The following NUCKS1 variants were observed in gnomAD, a reference collection of about 807,000 sequenced individuals.
NUCKS1 encodes the protein nuclear ubiquitous casein and cyclin-dependent kinase substrate 1.
A neutral mutation model predicts 33.0 loss-of-function variants in NUCKS1; 2 were observed. The ratio of observed to expected loss-of-function variants is 0.06; its 90% CI spans 0.02 to 0.19. The LOEUF (loss-of-function observed/expected upper bound fraction) is 0.19. NUCKS1 is among the 10% of genes least tolerant of loss of function. The pLI is 1.00. For missense variants in NUCKS1, 201 were observed against 293.6 expected, an observed-to-expected ratio of 0.68 and a Z score of 2.31; for synonymous variants, 106 against 102.8, an observed-to-expected ratio of 1.03 and a Z score of -0.19.
At position 205,718,220 on chromosome 1, in the gene NUCKS1, CTTTTTTCTTT is replaced by C. The variant is rs71709139; in HGVS notation, c.*50_*59del. 0.32 allele frequency: 476,788 copies of C among 1,475,408 alleles called. 35,661 individuals are homozygous for C. Among genetic ancestry groups the C allele is most frequent in the Non-Finnish European group, 0.36 (393,927 of 1,104,674 alleles). 91.4% of individuals were successfully genotyped at this position (1,475,408 alleles called of 1,614,324 possible). A position where few individuals can be genotyped will look rare whatever the true frequency, so the allele number is the denominator to read the frequency against. On this transcript the variant is annotated 3_prime_UTR_variant, in exon 7 of 7. Transcript: ENST00000367142. ...AAGTAGGTTCTTTTTTTTCCTCCCT[CTTTTTTCTTT>C]TTTTTTCTTTTTTTTTTTAATAAAA...
At chr1:205,740,504 A>T (rs1055718919) in intron 1 of NUCKS1, among the ~76,000 whole-genome samples, 1 of 151,926 alleles carries the variant, frequency 6.6e-6, no homozygotes, top group South Asian at 2.1e-4. Context: ...AGTCTCAGAT[A>T]CTTGGGAGAC....
chr1:205,718,848 C>T (rs767139393), intron 6 of NUCKS1, among the ~76,000 whole-genome samples: 1 of 152,018 alleles, frequency 6.6e-6, no homozygotes, highest in Admixed American at 6.5e-5. Context: ...GTCAAAAAGA[C>T]GGAAGGAAAA....
At chr1:205,747,745 C>CT (rs997996688) in intron 1 of NUCKS1, among the ~76,000 whole-genome samples, 3 of 152,166 alleles carry the variant, frequency 2.0e-5, no homozygotes, top group Non-Finnish European at 4.4e-5. Context: ...ATGTCTATCA[C>CT]TTTTTTCGTT....
intron 1 of NUCKS1, among the ~76,000 whole-genome samples, chr1:205,747,744 A>C (rs1654366441): frequency 1.3e-5 from 2 of 152,186 alleles, no homozygotes; most frequent in South Asian, 4.1e-4. Context: ...AATGTCTATC[A>C]CTTTTTTCGT....
At chr1:205,738,326 C>A (rs904335417) in intron 1 of NUCKS1, among the ~76,000 whole-genome samples, 1 of 151,778 alleles carries the variant, frequency 6.6e-6, no homozygotes, top group African/African-American at 2.4e-5. Flanking sequence ...CCATGCCCAG[C>A]CTATTTATTT....
At chr1:205,725,113 C>T (rs1352449262) in intron 3 of NUCKS1, among the ~76,000 whole-genome samples, 1 of 152,190 alleles carries the variant, frequency 6.6e-6, no homozygotes, top group African/African-American at 2.4e-5. Context: ...AACTCCTGAG[C>T]TCAAGTGATC....
intron 3 of NUCKS1, among the ~76,000 whole-genome samples, chr1:205,724,395 TA>T: frequency 6.6e-6 from 1 of 152,218 alleles, no homozygotes; most frequent in Non-Finnish European, 1.5e-5. Flanking sequence ...TATCTAAAAT[TA>T]TTAAAAGGAA....
intron 1 of NUCKS1, among the ~76,000 whole-genome samples, chr1:205,733,621 A>G (rs1034787962): frequency 5.9e-5 from 9 of 151,746 alleles, no homozygotes; most frequent in African/African-American, 2.2e-4. Context: ...TTTAAATAAT[A>G]AATTAAATAA....
chr1:205,727,825 C>G lies in NUCKS1; in HGVS notation c.68-20G>C. The G allele has an allele frequency of 6.8e-7, 1 of 1,466,294 alleles. No individual in the cohort carries two copies. Among genetic ancestry groups the G allele is most frequent in the African/African-American group, 1.4e-5 (1 of 71,432 alleles). The allele number at this position is 1,466,294 out of a possible 1,614,324, so 90.8% of individuals were successfully genotyped here. A position where few individuals can be genotyped will look rare whatever the true frequency, so the allele number is the denominator to read the frequency against. Reference sequence around the variant, plus strand: ...CTTCATCTAAACAGTGTTTTTCAAACTTAATTAACTATGATTTTTACATGT... The same window carrying G: ...CTTCATCTAAACAGTGTTTTTCAAAGTTAATTAACTATGATTTTTACATGT... On this transcript the variant is annotated intron_variant, in intron 2 of 6. Coordinates refer to ENST00000367142, the MANE Select transcript of NUCKS1 (RefSeq NM_022731.5).
At chr1:205,720,713 T>C in intron 4 of NUCKS1, 60 bp from the exon 5 acceptor site, 1 of 1,469,280 alleles carries the variant, frequency 6.8e-7, no homozygotes, top group Non-Finnish European at 9.2e-7. Flanking sequence ...GACAAGATAG[T>C]GCAAAAGATT....
chr1:205,715,412 A>G lies in NUCKS1; in HGVS notation c.*2868T>C, dbSNP rs1671805584. The G allele has an allele frequency of 6.6e-6, 1 of 152,230 alleles. No homozygotes were observed. Among genetic ancestry groups the G allele is most frequent in the Non-Finnish European group, 1.5e-5 (1 of 68,040 alleles). 9.4% of individuals were successfully genotyped at this position (152,230 alleles called of 1,614,324 possible). A position where few individuals can be genotyped will look rare whatever the true frequency, so the allele number is the denominator to read the frequency against. On this transcript the variant is annotated 3_prime_UTR_variant, in exon 7 of 7. Transcript: ENST00000367142. ...TATGGAATCAATATGGAGTGGAAAT[A>G]TGAAATGAGGAGATGTTTTAGAAAG...
rs1671854455 is a variant in NUCKS1, at chr1:205,718,020, G to C, written c.*260C>G. On this transcript the variant is annotated 3_prime_UTR_variant, in exon 7 of 7. Transcript: ENST00000367142. ...ACATGGCTTTCATTGGGAAAGGGGA[G>C]GGCTGGCAAAGAGACCAATAGACAA... 5 of 1,099,900 alleles carry C rather than the reference G, an allele frequency of 4.5e-6. No individual in the cohort carries two copies. The South Asian group carries it at 1.6e-4, about 35-fold the overall frequency. 68.1% of individuals were successfully genotyped at this position (1,099,900 alleles called of 1,614,324 possible). A position where few individuals can be genotyped will look rare whatever the true frequency, so the allele number is the denominator to read the frequency against.
chr1:205,726,515 T>C (rs1024848784), intron 3 of NUCKS1, among the ~76,000 whole-genome samples: 1 of 152,222 alleles, frequency 6.6e-6, no homozygotes, highest in Admixed American at 6.5e-5. Context: ...AACTACTAGG[T>C]AAATACATGA....
Position 205,719,679 on chromosome 1 carries a change from G to A in NUCKS1, c.383-3C>T, listed in dbSNP as rs749218671. The A allele has an allele frequency of 6.9e-6, 11 of 1,603,846 alleles. No homozygotes were observed. The East Asian group carries it at 2.0e-4, about 29-fold the overall frequency. On this transcript the variant is annotated splice_polypyrimidine_tract_variant and splice_region_variant and intron_variant, in intron 5 of 6. Coordinates refer to ENST00000367142, the MANE Select transcript of NUCKS1 (RefSeq NM_022731.5). ...ATCTTCATCGCTGCCGGAATCTTCT[G>A]AGAAGAAAGAAGAATTTCAACATCT...
At chr1:205,749,210 G>C (rs1317335437) in intron 1 of NUCKS1, among the ~76,000 whole-genome samples, 1 of 152,244 alleles carries the variant, frequency 6.6e-6, no homozygotes, top group South Asian at 2.1e-4. Context: ...CCCCGAGGAA[G>C]GACATTTCTA....
intron 1 of NUCKS1, among the ~76,000 whole-genome samples, chr1:205,743,818 T>C (rs183997727): frequency 1.9e-3 from 296 of 152,350 alleles, no homozygotes; most frequent in Non-Finnish European, 2.6e-3. Context: ...AGCCTACTGA[T>C]GACAGTGAGT....
chr1:205,746,436 TTC>T (rs10539047), intron 1 of NUCKS1, among the ~76,000 whole-genome samples: 17,436 of 145,938 alleles, frequency 0.12, 1,108 homozygotes, highest in Non-Finnish European at 0.14. Context: ...ATAAACTCAC[TTC>T]TCTCTCTCTC....
chr1:205,727,611 A>T, intron 3 of NUCKS1, 89 bp downstream of exon 3: 1 of 867,296 alleles, frequency 1.2e-6, no homozygotes, highest in Non-Finnish European at 2.0e-6. Flanking sequence ...TCAAAAGTAT[A>T]TGAGATTCCA....
At chr1:205,733,209 T>G (rs1250581541) in intron 1 of NUCKS1, among the ~76,000 whole-genome samples, 2 of 152,322 alleles carry the variant, frequency 1.3e-5, no homozygotes, top group East Asian at 3.9e-4. Flanking sequence ...CCTATGAAAC[T>G]ACATAAGGAT....
Sources: allele counts gnomAD v4.1 joint callset (sites outside exome capture counted in the v4.1 genomes callset), GRCh38; gene constraint gnomAD v4.1.1; transcripts MANE v1.5; gene names NCBI Gene and HGNC (gene_info 2026-07-23, HGNC 2026-07-21).